The following SV2C variants were observed in gnomAD, a reference collection of about 807,000 sequenced individuals.
SV2C encodes solute carrier family 22 member B3.
Under a neutral mutation model 79.7 loss-of-function variants are expected in SV2C, and 49 were observed. The ratio of observed to expected loss-of-function variants is 0.61; its 90% CI spans 0.49 to 0.78. SV2C has a LOEUF of 0.78. Ranked by LOEUF, SV2C falls within the 30% of genes least tolerant of loss-of-function variation. The pLI is 0.00. For missense variants in SV2C, 833 were observed against 912.9 expected (o/e 0.91, Z 1.13); for synonymous variants, 334 against 333.2 (o/e 1.00, Z -0.03).
the SV2C span, among the ~76,000 whole-genome samples, chr5:75,900,198 G>A: frequency 6.6e-6 from 1 of 152,122 alleles, no homozygotes; most frequent in African/African-American, 2.4e-5. Flanking sequence ...GCAGTGGCTG[G>A]TACCAGTTGT....
At chr5:76,093,571 G>A (rs937220223) in intron 1 of SV2C, among the ~76,000 whole-genome samples, 39 of 152,216 alleles carry the variant, frequency 2.6e-4, no homozygotes, top group Admixed American at 9.8e-4. Context: ...GTTCTTGCAC[G>A]GTCCTTTAGA....
the SV2C span, chr5:75,911,973 G>A: frequency 6.0e-6 from 2 of 333,370 alleles, no homozygotes; most frequent in Non-Finnish European, 6.0e-6. Flanking sequence ...ACCATCCCTG[G>A]GTTCTCAGTA....
chr5:75,859,954 T>G, the SV2C span, among the ~76,000 whole-genome samples: 5 of 152,148 alleles, frequency 3.3e-5, no homozygotes, highest in African/African-American at 1.2e-4. Context: ...ACCAATAAAT[T>G]AGGTGGAGCC....
intron 1 of SV2C, among the ~76,000 whole-genome samples, chr5:76,097,759 G>A (rs1747611287): frequency 6.6e-6 from 1 of 152,122 alleles, no homozygotes; most frequent in African/African-American, 2.4e-5. Flanking sequence ...GACATATTTG[G>A]AGGTGGGAAA....
At chr5:76,255,917 T>A (rs1746249767) in intron 4 of SV2C, among the ~76,000 whole-genome samples, 5 of 152,232 alleles carry the variant, frequency 3.3e-5, no homozygotes, top group East Asian at 3.9e-4. Flanking sequence ...ATTCTTACAA[T>A]CTCCATAGAA....
intron 8 of SV2C, among the ~76,000 whole-genome samples, chr5:76,293,914 G>C (rs576003798): frequency 9.2e-5 from 14 of 152,280 alleles, no homozygotes; most frequent in African/African-American, 3.1e-4. Flanking sequence ...ACAAGACCAG[G>C]ATTCAAACCC....
rs115431142 is a variant in SV2C, at chr5:76,318,747, C to T, written c.2001-6617C>T. Among the ~76,000 whole-genome samples the T allele has an allele frequency of 6.0e-3, 915 of 152,256 alleles. 10 individuals are homozygous for T. Among genetic ancestry groups the T allele is most frequent in the African/African-American group, 0.021 (863 of 41,536 alleles). On this transcript the variant is annotated intron_variant, in intron 12 of 12. Coordinates refer to ENST00000502798, the MANE Select transcript of SV2C (RefSeq NM_014979.4). ...ACAAATTGAGAGCAAAGGCTTCTGG[C>T]TGAAGAGATGAGAAGCAAAGCATGG...
chr5:76,132,368 GGCTTATT>G, intron 2 of SV2C, 38 bp downstream of exon 2: 1 of 1,552,036 alleles, frequency 6.4e-7, no homozygotes, highest in African/African-American at 1.4e-5. Flanking sequence ...CTCTGAAACT[GGCTTATT>G]TGTTAAGCAC....
At chr5:76,145,999 T>C (rs545413515) in intron 2 of SV2C, among the ~76,000 whole-genome samples, 1 of 152,334 alleles carries the variant, frequency 6.6e-6, no homozygotes, top group Non-Finnish European at 1.5e-5. Context: ...ACACAAAAAT[T>C]CTTCTCTTAG....
rs56340029 is a variant in SV2C, at chr5:76,155,942, C to CAA, written c.580+23638_580+23639dup. Among the ~76,000 whole-genome samples, 6 of 58,098 alleles carry CAA rather than the reference C, an allele frequency of 1.0e-4. 1 individual carries two copies. The highest frequency in any genetic ancestry group is 9.2e-5 in the Non-Finnish European group (3 of 32,448). The allele number at this position is 58,098 out of a possible 152,430, so 38.1% of individuals were successfully genotyped here. ...AGAAATTTATGCCCAAGGTTTCTCT[C>CAA]AAAAAAAAAAAAAAAAAAAAAAAAA... On this transcript the variant is annotated intron_variant, in intron 2 of 12. Transcript: ENST00000502798.
chr5:76,274,253 G>T (rs566394260), intron 4 of SV2C, among the ~76,000 whole-genome samples: 2 of 152,250 alleles, frequency 1.3e-5, no homozygotes, highest in East Asian at 1.9e-4. Flanking sequence ...TGGGTAAAAA[G>T]TTATACAAGA....
chr5:75,976,979 A>G, the SV2C span, among the ~76,000 whole-genome samples: 1 of 152,370 alleles, frequency 6.6e-6, no homozygotes, highest in African/African-American at 2.4e-5. Context: ...ATTTAATCTT[A>G]TAGCTGTTCC....
At chr5:76,082,241 A>G (rs1747012025), upstream of SV2C, 1 of 152,234 alleles carries the variant, frequency 6.6e-6, no homozygotes, top group African/African-American at 2.4e-5. Flanking sequence ...CAGCATCCGG[A>G]TGGCAGGGTC....
the SV2C span, among the ~76,000 whole-genome samples, chr5:75,919,213 A>G: frequency 1.3e-5 from 2 of 152,238 alleles, no homozygotes; most frequent in African/African-American, 4.8e-5. Context: ...ATGATGATCC[A>G]GATTGTCTAG....
intron 2 of SV2C, among the ~76,000 whole-genome samples, chr5:76,138,861 G>A (rs1358130021): frequency 6.6e-6 from 1 of 152,210 alleles, no homozygotes; most frequent in Non-Finnish European, 1.5e-5. Flanking sequence ...GCTCACGCCT[G>A]TAATCCCAGC....
intron 2 of SV2C, among the ~76,000 whole-genome samples, chr5:76,135,591 C>G (rs1209702666): frequency 6.6e-6 from 1 of 152,172 alleles, no homozygotes; most frequent in East Asian, 1.9e-4. Context: ...TTGGCTGCTG[C>G]AGACATCTCT....
chr5:75,952,893 A>G, the SV2C span, among the ~76,000 whole-genome samples: 2 of 152,028 alleles, frequency 1.3e-5, no homozygotes, highest in Admixed American at 1.3e-4. Flanking sequence ...ATTTCCACAT[A>G]TCTCCAAAGC....
intron 2 of SV2C, among the ~76,000 whole-genome samples, chr5:76,153,108 C>T (rs868184435): frequency 2.0e-5 from 3 of 152,302 alleles, no homozygotes; most frequent in South Asian, 2.1e-4. Flanking sequence ...AACGTTGCTT[C>T]CTCCAAACCC....
At chr5:76,051,739 T>G in the SV2C span, among the ~76,000 whole-genome samples, 1 of 152,078 alleles carries the variant, frequency 6.6e-6, no homozygotes, top group Admixed American at 6.5e-5. Flanking sequence ...TATATCAAAA[T>G]AGCAAATAAA....
Sources: allele counts gnomAD v4.1 joint callset (sites outside exome capture counted in the v4.1 genomes callset), GRCh38; gene constraint gnomAD v4.1.1; transcripts MANE v1.5; gene names NCBI Gene and HGNC (gene_info 2026-07-23, HGNC 2026-07-21).